Variants in STARD13 observed in about 807,000 individuals in gnomAD.
The protein encoded by STARD13 is stAR-related lipid transfer protein 13.
STARD13 carries 62 observed loss-of-function variants against 106.4 expected under a neutral mutation model. That is an observed-to-expected ratio of 0.58 (90% CI 0.48 to 0.72). The LOEUF is 0.72. Ranked by LOEUF, STARD13 falls within the 30% of genes least tolerant of loss-of-function variation. STARD13 has a pLI of 0.00. For missense variants in STARD13, 1,387 were observed against 1,424.0 expected (o/e 0.97, Z 0.42); for synonymous variants, 565 against 553.0 (o/e 1.02, Z -0.31).
the STARD13 span, among the ~76,000 whole-genome samples, chr13:33,415,323 G>C: frequency 6.6e-6 from 1 of 152,140 alleles, no homozygotes; most frequent in Non-Finnish European, 1.5e-5. Context: ...AGCTGAGATT[G>C]CGCCACTGCA....
chr13:33,660,584 G>C, the STARD13 span, among the ~76,000 whole-genome samples: 3 of 152,158 alleles, frequency 2.0e-5, no homozygotes, highest in African/African-American at 7.2e-5. Context: ...TTGTACTGTG[G>C]GTTTGTTTGT....
intron 1 of STARD13, among the ~76,000 whole-genome samples, chr13:33,225,343 T>C (rs1172411780): frequency 1.3e-5 from 2 of 152,248 alleles, no homozygotes; most frequent in East Asian, 3.8e-4. Context: ...TCTTCTCCTC[T>C]ATTGCTATCA....
exon 1 of STARD13, chr13:33,350,358 T>A: frequency 6.5e-7 from 1 of 1,534,400 alleles, no homozygotes. Flanking sequence ...GTCCCGCAAC[T>A]GCTCACTGAT....
intron 1 of STARD13, among the ~76,000 whole-genome samples, chr13:33,259,045 C>G (rs1224867863): frequency 3.9e-5 from 6 of 152,158 alleles, no homozygotes; most frequent in Non-Finnish European, 8.8e-5. Context: ...CTGGAGCTCC[C>G]CTTGGATCCT....
At chr13:33,112,997 G>T in intron 8 of STARD13, 66 bp from the exon 9 acceptor site, 1 of 1,256,158 alleles carries the variant, frequency 8.0e-7, no homozygotes, top group Non-Finnish European at 1.1e-6. Flanking sequence ...GGGAAGCACT[G>T]TGTAAGCTCC....
the STARD13 span, among the ~76,000 whole-genome samples, chr13:33,536,617 G>T: frequency 2.0e-5 from 3 of 152,168 alleles, no homozygotes; most frequent in Non-Finnish European, 4.4e-5. Flanking sequence ...TTATATTCAA[G>T]GGATTTATAA....
the STARD13 span, among the ~76,000 whole-genome samples, chr13:33,531,737 T>C: frequency 2.0e-5 from 3 of 152,192 alleles, no homozygotes; most frequent in African/African-American, 7.2e-5. Context: ...TCATATCCAA[T>C]ACTTCCAGTT....
At chr13:33,477,471 C>A in the STARD13 span, among the ~76,000 whole-genome samples, 3 of 152,184 alleles carry the variant, frequency 2.0e-5, no homozygotes, top group African/African-American at 7.2e-5. Flanking sequence ...CAAATCTTGC[C>A]AAGGAACTGA....
chr13:33,225,466 C>T (rs543683363), intron 1 of STARD13, among the ~76,000 whole-genome samples: 1 of 152,230 alleles, frequency 6.6e-6, no homozygotes, highest in South Asian at 2.1e-4. Flanking sequence ...GTTAGGATTA[C>T]GTGTAAAGTA....
chr13:33,251,853 C>T (rs1470591120), intron 1 of STARD13, among the ~76,000 whole-genome samples: 1 of 152,168 alleles, frequency 6.6e-6, no homozygotes, highest in African/African-American at 2.4e-5. Context: ...AAGGCTGCTA[C>T]TTACATTAAA....
chr13:33,503,647 G>A, the STARD13 span, among the ~76,000 whole-genome samples: 1 of 152,184 alleles, frequency 6.6e-6, no homozygotes, highest in Non-Finnish European at 1.5e-5. Context: ...GTACCCAGTA[G>A]TCATTCAGGA....
chr13:33,412,526 A>G, the STARD13 span, among the ~76,000 whole-genome samples: 1 of 152,198 alleles, frequency 6.6e-6, no homozygotes, highest in Non-Finnish European at 1.5e-5. Flanking sequence ...TAAAGACAAA[A>G]ATTGAAAGAA....
intron 6 of STARD13, among the ~76,000 whole-genome samples, chr13:33,127,153 C>A (rs1231598116): frequency 6.6e-6 from 1 of 152,210 alleles, no homozygotes; most frequent in Non-Finnish European, 1.5e-5. Context: ...AGCCTGACTG[C>A]CTTCCCTGGA....
intron 3 of STARD13, among the ~76,000 whole-genome samples, chr13:33,143,066 G>T (rs1420402054): frequency 1.3e-5 from 2 of 152,182 alleles, no homozygotes; most frequent in Non-Finnish European, 2.9e-5. Context: ...GACATCTACA[G>T]GTCACAGGAC....
the STARD13 span, among the ~76,000 whole-genome samples, chr13:33,509,600 G>A: frequency 6.6e-6 from 1 of 152,172 alleles, no homozygotes; most frequent in East Asian, 1.9e-4. Flanking sequence ...AGAGCATAAA[G>A]GCTGATTGCT....
chr13:33,508,023 G>A, the STARD13 span, among the ~76,000 whole-genome samples: 13 of 152,104 alleles, frequency 8.5e-5, no homozygotes, highest in Non-Finnish European at 1.9e-4. Context: ...AGGGTCAATT[G>A]TACATGATAA....
intron 1 of STARD13, among the ~76,000 whole-genome samples, chr13:33,266,969 G>C (rs1424913683): frequency 1.3e-5 from 2 of 152,138 alleles, no homozygotes; most frequent in Non-Finnish European, 2.9e-5. Context: ...CGGAAAAAGT[G>C]GTCTCTGTTT....
the STARD13 span, among the ~76,000 whole-genome samples, chr13:33,675,954 A>G: frequency 6.6e-6 from 1 of 152,186 alleles, no homozygotes; most frequent in Non-Finnish European, 1.5e-5. Flanking sequence ...GTTCCTGTAC[A>G]TTTCTACAGG....
chr13:33,529,273 C>T, the STARD13 span, among the ~76,000 whole-genome samples: 3 of 152,140 alleles, frequency 2.0e-5, no homozygotes, highest in East Asian at 1.9e-4. Context: ...TAGAAACTAA[C>T]GGAATAAAGC....
Sources: gnomAD v4.1 joint callset for allele counts (sites outside exome capture counted in the v4.1 genomes callset) on GRCh38, gnomAD v4.1.1 for gene constraint, MANE v1.5 for transcripts, NCBI Gene and HGNC (gene_info 2026-07-23, HGNC 2026-07-21) for gene names.